TACR1: variants seen among roughly 807,000 people sequenced by gnomAD.
The protein encoded by TACR1 is substance-P receptor.
Under a neutral mutation model 35.8 loss-of-function variants are expected in TACR1, and 25 were observed. The observed-to-expected ratio is 0.70, with a 90% CI of 0.51 to 0.98. The LOEUF (loss-of-function observed/expected upper bound fraction) is 0.98. TACR1 is among the 50% of genes least tolerant of loss of function. The pLI is 0.00. For synonymous variants in TACR1, 195 were observed against 206.7 expected, an observed-to-expected ratio of 0.94 and a Z score of 0.48; for missense variants, 478 against 522.9, an observed-to-expected ratio of 0.91 and a Z score of 0.84.
chr2:75,115,339 T>C (rs760151183), intron 2 of TACR1, among the ~76,000 whole-genome samples: 11 of 152,182 alleles, frequency 7.2e-5, no homozygotes, highest in Non-Finnish European at 1.5e-4. Flanking sequence ...CTTGATGATA[T>C]ACTTTGCTGG....
At chr2:75,177,645 C>A (rs916931748) in intron 1 of TACR1, among the ~76,000 whole-genome samples, 1 of 152,116 alleles carries the variant, frequency 6.6e-6, no homozygotes, top group Non-Finnish European at 1.5e-5. Flanking sequence ...TCTTTGTTTA[C>A]CTCACTTAGA....
At chr2:75,134,617 T>A (rs1322821865) in intron 1 of TACR1, among the ~76,000 whole-genome samples, 2 of 152,208 alleles carry the variant, frequency 1.3e-5, no homozygotes, top group African/African-American at 4.8e-5. Context: ...TGGAAAGCTG[T>A]GTGCAACATA....
At chr2:75,055,859 T>C (rs1409532570) in intron 2 of TACR1, among the ~76,000 whole-genome samples, 1 of 152,166 alleles carries the variant, frequency 6.6e-6, no homozygotes, top group Admixed American at 6.5e-5. Context: ...GCCTGAGAAT[T>C]TGCATTTCTA....
At chr2:75,198,520 C>T (rs201756745) in intron 1 of TACR1, 26 bp downstream of exon 1, 4 of 1,604,596 alleles carry the variant, frequency 2.5e-6, no homozygotes, top group East Asian at 2.2e-5. Context: ...AGCACTTTCT[C>T]GCCTTTTCAC....
At chr2:75,166,333 A>C (rs926219756) in intron 1 of TACR1, among the ~76,000 whole-genome samples, 3 of 152,222 alleles carry the variant, frequency 2.0e-5, no homozygotes, top group Non-Finnish European at 2.9e-5. Flanking sequence ...CAAACATAGA[A>C]TGATGAAATT....
chr2:75,105,792 T>C (rs183947577), intron 2 of TACR1, among the ~76,000 whole-genome samples: 2 of 151,978 alleles, frequency 1.3e-5, no homozygotes, highest in East Asian at 3.9e-4. Flanking sequence ...TGTGTAATCA[T>C]GAAAAAAATG....
chr2:75,153,765 G>A (rs1369736913), intron 1 of TACR1, among the ~76,000 whole-genome samples: 1 of 152,178 alleles, frequency 6.6e-6, no homozygotes, highest in African/African-American at 2.4e-5. Flanking sequence ...GGACCAACCA[G>A]GGATGCAAAA....
intron 4 of TACR1, among the ~76,000 whole-genome samples, chr2:75,050,360 A>G (rs1364450483): frequency 6.6e-6 from 1 of 152,176 alleles, no homozygotes; most frequent in African/African-American, 2.4e-5. Flanking sequence ...TCTTTCCCCA[A>G]ATTTCTAGTA....
chr2:75,105,055 A>G (rs1422566873), intron 2 of TACR1, among the ~76,000 whole-genome samples: 1 of 152,124 alleles, frequency 6.6e-6, no homozygotes, highest in Non-Finnish European at 1.5e-5. Flanking sequence ...GAAAGAAATG[A>G]AATCAGTATG....
Position 75,083,544 on chromosome 2 carries a change from C to G in TACR1, c.585-29789G>C, listed in dbSNP as rs1473217965. Among the ~76,000 whole-genome samples, 6 of 152,240 alleles carry G rather than the reference C, an allele frequency of 3.9e-5. No homozygotes were observed. The East Asian group carries it at 1.2e-3, about 29-fold the overall frequency. On this transcript the variant is annotated intron_variant, in intron 2 of 4. Transcript: ENST00000305249. Reference sequence around the variant, plus strand: ...TATGGCCATTTTCGTGATATTGATTCTTCCTATCCATGAGCATGGAATGTT... The same window carrying G: ...TATGGCCATTTTCGTGATATTGATTGTTCCTATCCATGAGCATGGAATGTT...
chr2:75,125,132 G>T lies in TACR1; in HGVS notation c.390-4364C>A, dbSNP rs150713762. ...TGTGAAGATCTCTAAACCTTGTGCT[G>T]ACCACGCTTCACTTTATTTTCTATT... On this transcript the variant is annotated intron_variant, in intron 1 of 4. Transcript: ENST00000305249. Among the ~76,000 whole-genome samples, 507 of 152,004 alleles carry T rather than the reference G, an allele frequency of 3.3e-3. 2 individuals are homozygous for T. Among genetic ancestry groups the T allele is most frequent in the Non-Finnish European group, 5.7e-3 (387 of 67,944 alleles).
At chr2:75,128,161 C>T (rs1207841825) in intron 1 of TACR1, among the ~76,000 whole-genome samples, 2 of 152,198 alleles carry the variant, frequency 1.3e-5, no homozygotes, top group Non-Finnish European at 2.9e-5. Flanking sequence ...CAAAGAACTC[C>T]ATCTTCATTC....
chr2:75,118,767 G>A (rs1036669533), intron 2 of TACR1: 12 of 152,330 alleles, frequency 7.9e-5, no homozygotes, highest in East Asian at 1.9e-4. Flanking sequence ...GCTACAGCCC[G>A]TGGAAACAAT....
At chr2:75,184,405 C>G (rs1675636742) in intron 1 of TACR1, among the ~76,000 whole-genome samples, 1 of 151,648 alleles carries the variant, frequency 6.6e-6, no homozygotes, top group Non-Finnish European at 1.5e-5. Context: ...TGCTTATGAT[C>G]ATGAGTTTTA....
chr2:75,105,994 A>G (rs1271115142), intron 2 of TACR1, among the ~76,000 whole-genome samples: 1 of 152,036 alleles, frequency 6.6e-6, no homozygotes, highest in African/African-American at 2.4e-5. Flanking sequence ...AAAAACTGGG[A>G]AAAAAGTATG....
chr2:75,146,984 C>A (rs894531510), intron 1 of TACR1, among the ~76,000 whole-genome samples: 3 of 152,208 alleles, frequency 2.0e-5, no homozygotes, highest in African/African-American at 7.2e-5. Context: ...GAAACACAAT[C>A]TGCTGTGTGC....
At chr2:75,051,037 G>T (rs1672453770) in intron 4 of TACR1, 1 of 606,742 alleles carries the variant, frequency 1.6e-6, no homozygotes, top group Non-Finnish European at 2.9e-6. Flanking sequence ...GGTTCCCTTT[G>T]GAAAAGAAAA....
intron 1 of TACR1, among the ~76,000 whole-genome samples, chr2:75,150,834 G>A (rs563613669): frequency 1.3e-5 from 2 of 152,202 alleles, no homozygotes; most frequent in African/African-American, 4.8e-5. Flanking sequence ...CTTGTTGAAT[G>A]GTTTTGCCCA....
intron 1 of TACR1, among the ~76,000 whole-genome samples, chr2:75,132,464 A>G (rs1674196700): frequency 6.6e-6 from 1 of 152,156 alleles, no homozygotes; most frequent in Non-Finnish European, 1.5e-5. Context: ...CATATTTTTA[A>G]AAATGTCTAG....
Sources: allele counts gnomAD v4.1 joint callset (sites outside exome capture counted in the v4.1 genomes callset), GRCh38; gene constraint gnomAD v4.1.1; transcripts MANE v1.5; gene names NCBI Gene and HGNC (gene_info 2026-07-23, HGNC 2026-07-21).